The following CSMD1 variants were observed in gnomAD, a reference collection of about 807,000 sequenced individuals.
CSMD1 encodes the protein CUB and sushi domain-containing protein 1.
Under a neutral mutation model 417.5 loss-of-function variants are expected in CSMD1, and 213 were observed. That is an observed-to-expected ratio of 0.51 (90% CI 0.46 to 0.57). The LOEUF (loss-of-function observed/expected upper bound fraction) is 0.57, where lower values mean the gene tolerates loss of function less well. CSMD1 is among the 20% of genes least tolerant of loss of function. The pLI is 0.00. For missense variants in CSMD1, 6,923 were observed against 4,529.7 expected (o/e 1.53, Z -15.17); for synonymous variants, 2,862 against 1,736.8 (o/e 1.65, Z -16.11).
intron 3 of CSMD1, among the ~76,000 whole-genome samples, chr8:4,282,609 G>A (rs954673128): frequency 7.9e-5 from 12 of 152,174 alleles, no homozygotes; most frequent in African/African-American, 2.9e-4. Flanking sequence ...CAGTCAGGGA[G>A]AAAGGTAGTT....
chr8:4,886,728 G>A (rs546366963), intron 1 of CSMD1, among the ~76,000 whole-genome samples: 32 of 151,698 alleles, frequency 2.1e-4, no homozygotes, highest in South Asian at 6.3e-4. Context: ...TTTGGTACTC[G>A]GTGTCTTCTT....
At chr8:4,186,569 G>A (rs1385733266) in intron 3 of CSMD1, among the ~76,000 whole-genome samples, 2 of 152,164 alleles carry the variant, frequency 1.3e-5, no homozygotes, top group Admixed American at 6.5e-5. Flanking sequence ...GAAATAATAG[G>A]AAGGGTCTCA....
intron 3 of CSMD1, among the ~76,000 whole-genome samples, chr8:4,381,795 T>C (rs1223405168): frequency 6.6e-6 from 1 of 152,208 alleles, no homozygotes; most frequent in African/African-American, 2.4e-5. Context: ...GTTGACCTTT[T>C]TCTGCTGATG....
Position 3,162,549 on chromosome 8 carries a change from G to A in CSMD1, c.5726-272C>T, listed in dbSNP as rs140631357. Among the ~76,000 whole-genome samples the A allele has an allele frequency of 8.2e-3, 1,246 of 152,074 alleles. 24 individuals are homozygous for A. The highest frequency in any genetic ancestry group is 0.029 in the African/African-American group (1,186 of 41,506). ...ATTTGTTACTTCCACATTGAGTATA[G>A]AAGATCCCAACTTCAATATATACAT... On this transcript the variant is annotated intron_variant, in intron 37 of 69. Coordinates refer to ENST00000635120, the MANE Select transcript of CSMD1 (RefSeq NM_033225.6).
At chr8:3,220,528 G>A (rs748781462) in intron 28 of CSMD1, among the ~76,000 whole-genome samples, 1 of 152,156 alleles carries the variant, frequency 6.6e-6, no homozygotes, top group African/African-American at 2.4e-5. Flanking sequence ...TGATAAAGTA[G>A]AAGTATTAAA....
intron 41 of CSMD1, chr8:3,128,445 A>T (rs1481479744): frequency 6.2e-6 from 1 of 161,794 alleles, no homozygotes; most frequent in Non-Finnish European, 1.4e-5. Context: ...GACAAACTTT[A>T]AGAATAAGGT....
intron 26 of CSMD1, among the ~76,000 whole-genome samples, chr8:3,255,781 C>G (rs907919726): frequency 3.3e-5 from 5 of 152,160 alleles, no homozygotes; most frequent in African/African-American, 1.2e-4. Context: ...CTTTCTTTGA[C>G]TAGAAAGGGA....
intron 2 of CSMD1, among the ~76,000 whole-genome samples, chr8:4,476,441 T>C (rs78525787): frequency 0.018 from 2,702 of 152,302 alleles, 80 homozygotes; most frequent in African/African-American, 0.062. Context: ...TAGTCATATA[T>C]ACATATGGTA....
intron 5 of CSMD1, among the ~76,000 whole-genome samples, chr8:3,771,717 A>G (rs1209499089): frequency 6.6e-6 from 1 of 152,148 alleles, no homozygotes; most frequent in Non-Finnish European, 1.5e-5. Flanking sequence ...AAAGCAGACA[A>G]AACGCAAGAT....
At chr8:4,472,655 T>C (rs1047235406) in intron 2 of CSMD1, among the ~76,000 whole-genome samples, 6 of 152,012 alleles carry the variant, frequency 3.9e-5, no homozygotes, top group Non-Finnish European at 1.5e-5. Context: ...ACAAATAATT[T>C]ATAAAATATT....
chr8:3,417,763 A>G (rs1479289855), intron 12 of CSMD1, among the ~76,000 whole-genome samples: 1 of 152,134 alleles, frequency 6.6e-6, no homozygotes, highest in Non-Finnish European at 1.5e-5. Context: ...TCCCTAAACT[A>G]ATTGATATAT....
At chr8:4,418,896 C>G (rs113433382) in intron 3 of CSMD1, among the ~76,000 whole-genome samples, 4 of 152,116 alleles carry the variant, frequency 2.6e-5, no homozygotes, top group Non-Finnish European at 5.9e-5. Context: ...AATCGCAGAC[C>G]ATTCTCAGCA....
At chr8:4,934,421 A>G (rs958744617) in intron 1 of CSMD1, among the ~76,000 whole-genome samples, 1 of 152,154 alleles carries the variant, frequency 6.6e-6, no homozygotes, top group African/African-American at 2.4e-5. Context: ...GCATTCTATC[A>G]TTTCATGTAG....
Position 3,047,209 on chromosome 8 carries a change from C to T in CSMD1, c.7660+5253G>A, listed in dbSNP as rs529469192. Among the ~76,000 whole-genome samples the T allele has an allele frequency of 5.3e-4, 62 of 116,164 alleles. No homozygotes were observed. The South Asian group carries it at 0.019, about 36-fold the overall frequency. 76.2% of individuals were successfully genotyped at this position (116,164 alleles called of 152,430 possible). A position where few individuals can be genotyped will look rare whatever the true frequency, so the allele number is the denominator to read the frequency against. Reference sequence around the variant, plus strand: ...AGCCCAGGCAACAGTATAAGACTCCCTCTCAAAAAAAAAAAAAAAAAAAAA... The same window carrying T: ...AGCCCAGGCAACAGTATAAGACTCCTTCTCAAAAAAAAAAAAAAAAAAAAA... On this transcript the variant is annotated intron_variant, in intron 50 of 69. Transcript: ENST00000635120.
chr8:4,128,267 G>C (rs544043900), intron 3 of CSMD1, among the ~76,000 whole-genome samples: 33 of 152,262 alleles, frequency 2.2e-4, no homozygotes, highest in African/African-American at 7.7e-4. Flanking sequence ...GTGGAGGAAT[G>C]CATGAGTAAG....
chr8:4,776,398 G>T (rs907485246), intron 1 of CSMD1, among the ~76,000 whole-genome samples: 1 of 152,036 alleles, frequency 6.6e-6, no homozygotes, highest in Non-Finnish European at 1.5e-5. Context: ...GTTAACTCAG[G>T]TTATTCTTAT....
At chr8:3,964,164 C>T (rs183795519) in intron 5 of CSMD1, among the ~76,000 whole-genome samples, 67 of 152,144 alleles carry the variant, frequency 4.4e-4, no homozygotes, top group Non-Finnish European at 8.8e-5. Context: ...GACCAATTTT[C>T]ATCTTAACAA....
chr8:4,711,102 C>G (rs1011090166), intron 1 of CSMD1, among the ~76,000 whole-genome samples: 1 of 149,924 alleles, frequency 6.7e-6, no homozygotes, highest in African/African-American at 2.5e-5. Flanking sequence ...ATGTAAATAG[C>G]AAATTATTAT....
chr8:4,452,034 A>T (rs1270177249), intron 2 of CSMD1, among the ~76,000 whole-genome samples: 1 of 151,628 alleles, frequency 6.6e-6, no homozygotes, highest in African/African-American at 2.4e-5. Context: ...CTGCCTTCTC[A>T]CCAGAGGGGT....
Sources: gnomAD v4.1 joint callset for allele counts (sites outside exome capture counted in the v4.1 genomes callset) on GRCh38, gnomAD v4.1.1 for gene constraint, MANE v1.5 for transcripts, NCBI Gene and HGNC (gene_info 2026-07-23, HGNC 2026-07-21) for gene names.